The following GNA14 variants were observed in gnomAD, a reference collection of about 807,000 sequenced individuals.
The protein encoded by GNA14 is guanine nucleotide-binding protein subunit alpha-14.
Under a neutral mutation model 42.0 loss-of-function variants are expected in GNA14, and 50 were observed. The observed-to-expected ratio is 1.19, with a 90% CI of 0.95 to 1.51. The LOEUF (loss-of-function observed/expected upper bound fraction) is 1.51. GNA14 is among the 40% of genes most tolerant of loss of function. The probability of loss-of-function intolerance (pLI) is 0.00; values close to 1 mark genes in which losing one functional copy is unlikely to be tolerated. For synonymous variants in GNA14, 173 were observed against 163.1 expected, an observed-to-expected ratio of 1.06 and a Z score of -0.46; for missense variants, 473 against 446.2, an observed-to-expected ratio of 1.06 and a Z score of -0.54.
chr9:77,601,002 A>G (rs1004783165), intron 1 of GNA14, among the ~76,000 whole-genome samples: 1 of 152,312 alleles, frequency 6.6e-6, no homozygotes, highest in South Asian at 2.1e-4. Context: ...GTCGTCCGAG[A>G]ATCTCCGATG....
chr9:77,435,909 A>G (rs1835633129), intron 2 of GNA14, among the ~76,000 whole-genome samples: 1 of 152,178 alleles, frequency 6.6e-6, no homozygotes, highest in Admixed American at 6.5e-5. Context: ...ATATTTCTGC[A>G]TCCCACAGCA....
chr9:77,425,566 G>T lies in GNA14; in HGVS notation c.873C>A (p.Tyr291Ter). ...GTCCACAAGATAGACACTTACCTGTGTATTCTGGGAAATAGCTAATTAGAT... is the reference window on the plus strand; with the variant it reads ...GTCCACAAGATAGACACTTACCTGTTTATTCTGGGAAATAGCTAATTAGAT... ...YSHLISYFPE[Y>*]TGPKQDVRAA... The change falls in exon 6 of 7, where the codon TAC becomes TAA. Residue 291 changes from tyrosine to a stop codon, truncating the protein, a stop_gained. Coordinates refer to ENST00000341700, the MANE Select transcript of GNA14 (RefSeq NM_004297.4). LOFTEE classifies it high-confidence loss of function. The T allele has an allele frequency of 6.2e-7, 1 of 1,600,952 alleles. No individual in the cohort carries two copies. The highest frequency in any genetic ancestry group is 8.5e-7 in the Non-Finnish European group (1 of 1,171,684).
rs940831680 is a variant in GNA14, at chr9:77,501,758, T to C, written c.309+27311A>G. 1.1e-4 allele frequency among the ~76,000 whole-genome samples: 16 copies of C among 142,128 alleles called. No homozygotes were observed. In the East Asian group the frequency reaches 3.5e-3, roughly 31 times the overall value. 93.2% of individuals were successfully genotyped at this position (142,128 alleles called of 152,430 possible). A position where few individuals can be genotyped will look rare whatever the true frequency, so the allele number is the denominator to read the frequency against. ...TGGAGTCTTGCTCTGTCACCCGGGT[T>C]GGAGTGCAGTGGCATGATCTCGGCT... On this transcript the variant is annotated intron_variant, in intron 2 of 6. Transcript: ENST00000341700.
chr9:77,596,980 T>C (rs1184697543), intron 1 of GNA14, among the ~76,000 whole-genome samples: 1 of 152,294 alleles, frequency 6.6e-6, no homozygotes, highest in East Asian at 1.9e-4. Context: ...CTCCCTAGAA[T>C]GTATAAAACC....
intron 3 of GNA14, among the ~76,000 whole-genome samples, chr9:77,434,116 G>C (rs1395940875): frequency 2.0e-5 from 3 of 152,172 alleles, no homozygotes; most frequent in Non-Finnish European, 2.9e-5. Context: ...CATTGAAAAC[G>C]ACAGGCTTAG....
At chr9:77,519,477 ATTAG>A (rs1243105348) in intron 2 of GNA14, among the ~76,000 whole-genome samples, 8 of 152,192 alleles carry the variant, frequency 5.3e-5, no homozygotes, top group Admixed American at 3.3e-4. Context: ...TTTATATCGG[ATTAG>A]TTAATGTATT....
chr9:77,642,808 C>G (rs1824289300), intron 1 of GNA14, among the ~76,000 whole-genome samples: 1 of 152,010 alleles, frequency 6.6e-6, no homozygotes, highest in South Asian at 2.1e-4. Flanking sequence ...ACACAAAACT[C>G]AATGAAATCT....
chr9:77,464,069 C>T (rs1284431103), intron 2 of GNA14, among the ~76,000 whole-genome samples: 1 of 151,988 alleles, frequency 6.6e-6, no homozygotes, highest in African/African-American at 2.4e-5. Flanking sequence ...GGTGTAATCT[C>T]AGGTCACTGC....
chr9:77,478,094 T>G lies in GNA14; in HGVS notation c.310-43572A>C, dbSNP rs1316517672. ...CATAATGTGCAGGGTTTTTACATATTTATATATGTGCCATGTTGGTGTGCT... is the reference window on the plus strand; with the variant it reads ...CATAATGTGCAGGGTTTTTACATATGTATATATGTGCCATGTTGGTGTGCT... On this transcript the variant is annotated intron_variant, in intron 2 of 6. Transcript: ENST00000341700. Among the ~76,000 whole-genome samples, 4 of 151,992 alleles carry G rather than the reference T, an allele frequency of 2.6e-5. No homozygotes were observed. The East Asian group carries it at 7.8e-4, about 30-fold the overall frequency.
chr9:77,430,620 C>T (rs1157446605), intron 4 of GNA14, among the ~76,000 whole-genome samples: 2 of 152,048 alleles, frequency 1.3e-5, no homozygotes, highest in South Asian at 2.1e-4. Context: ...AGACAGGACC[C>T]GGATGTGGGA....
At chr9:77,528,341 CTT>C (rs1034927526) in intron 2 of GNA14, among the ~76,000 whole-genome samples, 25 of 152,220 alleles carry the variant, frequency 1.6e-4, no homozygotes, top group African/African-American at 5.5e-4. Flanking sequence ...TAAATAAACT[CTT>C]ATTTCTAATC....
At chr9:77,445,385 T>C (rs1007846399) in intron 2 of GNA14, among the ~76,000 whole-genome samples, 1 of 151,664 alleles carries the variant, frequency 6.6e-6, no homozygotes, top group Non-Finnish European at 1.5e-5. Context: ...AAACAAGGAA[T>C]GCGTGTATTC....
At chr9:77,552,066 G>C (rs908181070) in intron 1 of GNA14, among the ~76,000 whole-genome samples, 4 of 150,148 alleles carry the variant, frequency 2.7e-5, no homozygotes, top group Non-Finnish European at 5.9e-5. Context: ...CTTGAACCCG[G>C]GAGGCAGAGG....
At chr9:77,429,268 T>C (rs986876479) in intron 4 of GNA14, among the ~76,000 whole-genome samples, 4 of 152,176 alleles carry the variant, frequency 2.6e-5, no homozygotes, top group African/African-American at 9.7e-5. Context: ...TCTGAAGACA[T>C]GCAGAGGTGA....
intron 2 of GNA14, among the ~76,000 whole-genome samples, chr9:77,504,536 TAA>T (rs35482980): frequency 5.2e-4 from 62 of 120,388 alleles, no homozygotes; most frequent in Admixed American, 1.4e-3. Flanking sequence ...TCCCTTTCTT[TAA>T]AAAAAAAAAA....
At chr9:77,461,624 C>G (rs1836108508) in intron 2 of GNA14, among the ~76,000 whole-genome samples, 1 of 152,044 alleles carries the variant, frequency 6.6e-6, no homozygotes, top group South Asian at 2.1e-4. Context: ...TCATAAGGAT[C>G]AATTAGGAAG....
Position 77,613,862 on chromosome 9 carries a change from A to G in GNA14, c.124+33808T>C, listed in dbSNP as rs551993380. 3.2e-4 allele frequency among the ~76,000 whole-genome samples: 48 copies of G among 152,094 alleles called. 1 individual carries two copies. The highest frequency in any genetic ancestry group is 3.4e-3 in the Middle Eastern group (1 of 294). On this transcript the variant is annotated intron_variant, in intron 1 of 6. Coordinates refer to ENST00000341700, the MANE Select transcript of GNA14 (RefSeq NM_004297.4). The stretch of plus-strand genomic sequence containing the variant: ...CTCTCCTCTTCCTTGCCAAAGTTTT[A>G]CTCCTGTTGGAAATGAGAGGAACAT...
In GNA14 at chr9:77,647,705, T is replaced by TA. The variant is rs753672787; in HGVS notation, c.88_89insT (p.Lys30IlefsTer6). ...CAGCTTAAGCTCACGGCGCGCGTCC[T>TA]TCTTGTCCCGACGAAGCTGTCGCTC... On this transcript the variant is annotated frameshift_variant, in exon 1 of 7. Transcript: ENST00000341700. LOFTEE classifies it high-confidence loss of function. 1.9e-6 allele frequency: 3 copies of TA among 1,610,280 alleles called. No individual in the cohort carries two copies. The Admixed American group carries it at 5.0e-5, about 27-fold the overall frequency.
intron 5 of GNA14, among the ~76,000 whole-genome samples, chr9:77,428,122 A>G (rs1409611872): frequency 7.7e-6 from 1 of 129,302 alleles, no homozygotes; most frequent in Non-Finnish European, 1.5e-5. Context: ...TCTGTTGCCC[A>G]GGCTGGAGTG....
Sources: gnomAD v4.1 joint callset for allele counts (sites outside exome capture counted in the v4.1 genomes callset) on GRCh38, gnomAD v4.1.1 for gene constraint, MANE v1.5 for transcripts, NCBI Gene and HGNC (gene_info 2026-07-23, HGNC 2026-07-21) for gene names.